Variants in GALNS observed in about 807,000 individuals in gnomAD.
The protein encoded by GALNS is galactosamine (N-acetyl)-6-sulfatase.
GALNS carries 65 observed loss-of-function variants against 65.9 expected under a neutral mutation model. The ratio of observed to expected loss-of-function variants is 0.99; its 90% confidence interval spans 0.81 to 1.21. The LOEUF is 1.21. Ranked by LOEUF, GALNS falls within the 50% of genes most tolerant of loss-of-function variation. The pLI, the probability that GALNS is intolerant of heterozygous loss-of-function variation, is 0.00. For synonymous variants in GALNS, 346 were observed against 288.9 expected (o/e 1.20, Z -2.00); for missense variants, 776 against 700.7 (o/e 1.11, Z -1.21).
At chr16:88,816,894 G>A in intron 13 of GALNS, 1 of 985,454 alleles carries the variant, frequency 1.0e-6, no homozygotes, top group Non-Finnish European at 1.2e-6. Flanking sequence ...GGGGCTGTGG[G>A]CAGCCACGCC....
At position 88,818,122 on chromosome 16, in the gene GALNS, A is replaced by G. The variant is rs749391310; in HGVS notation, c.1367T>C (p.Phe456Ser). 1 of 1,572,558 alleles carries G rather than the reference A, an allele frequency of 6.4e-7. No homozygotes were observed. The highest frequency in any genetic ancestry group is 1.2e-5 in the South Asian group (1 of 86,522). ...GGCCTCCTGGTACTCGGCGCTGGCA[A>G]AGCTGGGGACAGAGAGCTCTGGTCA... is the stretch of plus-strand genomic sequence containing the variant. The part of the protein sequence containing the change: ...RDPGERFPLS[F>S]ASAEYQEALS... The change falls in exon 13 of 14, where the codon TTT becomes TCT. Residue 456 changes from phenylalanine to serine, a missense_variant and splice_region_variant. Transcript: ENST00000268695.
chr16:88,821,955 G>A (rs963441155), intron 12 of GALNS, among the ~76,000 whole-genome samples: 3 of 152,120 alleles, frequency 2.0e-5, no homozygotes, highest in African/African-American at 7.2e-5. Context: ...AGGGGGGGAA[G>A]CCTCCAGGTA....
intron 4 of GALNS, among the ~76,000 whole-genome samples, chr16:88,838,243 G>C (rs1289308054): frequency 5.9e-5 from 9 of 152,222 alleles, no homozygotes; most frequent in Admixed American, 2.6e-4. Flanking sequence ...GGCGCTCAGA[G>C]TCTCATCTCC....
chr16:88,824,559 G>A (rs1376107775), intron 11 of GALNS, among the ~76,000 whole-genome samples: 1 of 152,142 alleles, frequency 6.6e-6, no homozygotes, highest in African/African-American at 2.4e-5. Flanking sequence ...ACGCGGGGCA[G>A]GAAGAGGTCC....
intron 10 of GALNS, among the ~76,000 whole-genome samples, chr16:88,825,984 C>G (rs910405472): frequency 1.8e-4 from 28 of 152,154 alleles, no homozygotes; most frequent in Non-Finnish European, 3.8e-4. Flanking sequence ...GGTGGCTGCT[C>G]TCAGGGGGTA....
intron 4 of GALNS, 124 bp from the exon 5 acceptor site, chr16:88,837,889 G>A (rs1422901644): frequency 9.0e-6 from 9 of 1,000,738 alleles, no homozygotes; most frequent in Non-Finnish European, 7.7e-6. Context: ...CACTGAGTAT[G>A]GGCTATGCCT....
intron 12 of GALNS, among the ~76,000 whole-genome samples, chr16:88,819,645 G>A (rs1176623821): frequency 6.6e-6 from 1 of 152,150 alleles, no homozygotes; most frequent in Non-Finnish European, 1.5e-5. Context: ...CGATCTTCCT[G>A]CCTCAGTCTC....
chr16:88,829,966 C>T (rs1366757796), intron 9 of GALNS, among the ~76,000 whole-genome samples: 3 of 152,202 alleles, frequency 2.0e-5, no homozygotes, highest in African/African-American at 7.2e-5. Context: ...GGCGCGGTGG[C>T]TCACGCCTGT....
chr16:88,840,976 T>C lies in GALNS; in HGVS notation c.422+16A>G. On this transcript the variant is annotated intron_variant, in intron 4 of 13. Transcript: ENST00000268695. ...ATGGAGCAGGACGCCTGGGCAGGCG[T>C]GGCCAGGAGACTTACCACTTGCCGA... is the stretch of plus-strand genomic sequence containing the variant. 6.2e-7 allele frequency: 1 copy of C among 1,603,640 alleles called. No individual in the cohort carries two copies. Among genetic ancestry groups the C allele is most frequent in the Non-Finnish European group, 8.5e-7 (1 of 1,171,252 alleles).
rs1448174028 is a variant in GALNS at position 88,814,132 on chromosome 16, T to C, written c.*307A>G. 2 of 481,892 alleles carry C rather than the reference T, an allele frequency of 4.2e-6. No individual in the cohort carries two copies. Among genetic ancestry groups the C allele is most frequent in the Non-Finnish European group, 7.6e-6 (2 of 261,588 alleles). The allele number at this position is 481,892 out of a possible 1,614,324, so 29.9% of individuals were successfully genotyped here. A position where few individuals can be genotyped will look rare whatever the true frequency, so the allele number is the denominator to read the frequency against. ...AGGTGCATCCTTAACCTTGGCAAAA[T>C]AAACTGAGACTGGTCTCAGATATTT... On this transcript the variant is annotated 3_prime_UTR_variant, in exon 14 of 14. Transcript: ENST00000268695.
chr16:88,841,844 A>G, intron 3 of GALNS, 53 bp downstream of exon 3: 3 of 1,534,196 alleles, frequency 2.0e-6, no homozygotes, highest in African/African-American at 1.4e-5. Flanking sequence ...CCCGTAGCCC[A>G]CCTGCCCAAC....
chr16:88,844,731 G>C (rs1967160224), intron 1 of GALNS: 1 of 152,276 alleles, frequency 6.6e-6, no homozygotes, highest in African/African-American at 2.4e-5. Context: ...CACGTTCACA[G>C]GCCCAGCTGC....
At chr16:88,842,329 T>G (rs556267507) in intron 2 of GALNS, 31 of 498,424 alleles carry the variant, frequency 6.2e-5, no homozygotes, top group South Asian at 5.8e-4. Context: ...CAACACCACA[T>G]GTTTCTGTCT....
rs186727146 is a variant in GALNS at position 88,847,825 on chromosome 16, C to T, written c.121-4996G>A. ...AGCGCCACGCAGGGTGGCCACGCCG[C>T]CCGGCAGCGCCTCCCTGGTACACGC... On this transcript the variant is annotated intron_variant, in intron 1 of 13. Coordinates refer to ENST00000268695, the MANE Select transcript of GALNS (RefSeq NM_000512.5). Among the ~76,000 whole-genome samples the T allele has an allele frequency of 5.9e-3, 892 of 152,354 alleles. 8 individuals carry two copies. Among genetic ancestry groups the T allele is most frequent in the Non-Finnish European group, 8.6e-3 (587 of 68,040 alleles).
At chr16:88,818,205 G>T in intron 12 of GALNS, 81 bp from the exon 13 acceptor site, 1 of 1,127,914 alleles carries the variant, frequency 8.9e-7, no homozygotes, top group Non-Finnish European at 1.3e-6. Flanking sequence ...GGCTGAGGCT[G>T]CAGAGCTCTA....
intron 12 of GALNS, 73 bp downstream of exon 12, chr16:88,822,516 C>A: frequency 6.3e-7 from 1 of 1,596,120 alleles, no homozygotes; most frequent in Admixed American, 1.7e-5. Flanking sequence ...AGGGCTCTGT[C>A]CCTGTGGAGC....
intron 13 of GALNS, chr16:88,817,528 G>A: frequency 1.0e-6 from 1 of 985,314 alleles, no homozygotes; most frequent in Non-Finnish European, 1.2e-6. Flanking sequence ...ACTCAACAGT[G>A]CCCACCAGCC....
At chr16:88,848,782 G>A (rs1405497048) in intron 1 of GALNS, among the ~76,000 whole-genome samples, 1 of 152,224 alleles carries the variant, frequency 6.6e-6, no homozygotes, top group Non-Finnish European at 1.5e-5. Context: ...CGTGCTGACT[G>A]GGAACGGCTG....
intron 8 of GALNS, among the ~76,000 whole-genome samples, chr16:88,834,161 G>C (rs1044991834): frequency 6.6e-6 from 1 of 152,270 alleles, no homozygotes; most frequent in Non-Finnish European, 1.5e-5. Context: ...GGCTCACCCA[G>C]GGGAGCTATC....
Sources: allele counts gnomAD v4.1 joint callset (sites outside exome capture counted in the v4.1 genomes callset), GRCh38; gene constraint gnomAD v4.1.1; transcripts MANE v1.5; gene names NCBI Gene and HGNC (gene_info 2026-07-23, HGNC 2026-07-21).